Variants in SEMA5B observed in about 807,000 individuals in gnomAD.
SEMA5B encodes the protein semaphorin-5B.
SEMA5B carries 66 observed loss-of-function variants against 135.0 expected under a neutral mutation model. The observed-to-expected ratio is 0.49, with a 90% confidence interval of 0.40 to 0.60. SEMA5B has a LOEUF of 0.60. Among genes scored for constraint, SEMA5B ranks in the 20% least tolerant of loss-of-function variants. The pLI is 0.00. For missense variants in SEMA5B, 1,501 were observed against 1,566.3 expected (o/e 0.96, Z 0.70); for synonymous variants, 690 against 639.5 (o/e 1.08, Z -1.19).
At chr3:122,938,109 C>A (rs1338445997) in intron 5 of SEMA5B, among the ~76,000 whole-genome samples, 2 of 152,244 alleles carry the variant, frequency 1.3e-5, no homozygotes, top group Non-Finnish European at 2.9e-5. Context: ...TGCACAGCCC[C>A]TCAAGGGAAT....
At chr3:122,932,002 C>T (rs928606976) in intron 5 of SEMA5B, among the ~76,000 whole-genome samples, 2 of 152,192 alleles carry the variant, frequency 1.3e-5, no homozygotes, top group Non-Finnish European at 2.9e-5. Flanking sequence ...ATGTGACTGT[C>T]AGATGTCTTT....
chr3:122,934,872 C>CAAAA (rs71701473), intron 5 of SEMA5B, among the ~76,000 whole-genome samples: 9 of 132,286 alleles, frequency 6.8e-5, no homozygotes, highest in African/African-American at 2.0e-4. Context: ...AGACCCACCT[C>CAAAA]AAAAAAAAAA....
chr3:122,920,910 G>A (rs952534476), intron 12 of SEMA5B, among the ~76,000 whole-genome samples: 1 of 152,196 alleles, frequency 6.6e-6, no homozygotes, highest in African/African-American at 2.4e-5. Flanking sequence ...TCCTGAACAT[G>A]GTATGTCTTA....
intron 1 of SEMA5B, among the ~76,000 whole-genome samples, chr3:123,004,492 TC>T (rs1942256649): frequency 6.6e-6 from 1 of 152,242 alleles, no homozygotes; most frequent in African/African-American, 2.4e-5. Context: ...CTTGCATTAC[TC>T]CGTGTAAGAA....
intron 1 of SEMA5B, among the ~76,000 whole-genome samples, chr3:122,967,164 C>T (rs1023104780): frequency 3.9e-5 from 6 of 152,066 alleles, no homozygotes; most frequent in Admixed American, 2.6e-4. Context: ...GGATTACAGG[C>T]GTGAGCCACT....
At chr3:122,943,356 G>A in intron 4 of SEMA5B, 80 bp downstream of exon 4, 1 of 992,706 alleles carries the variant, frequency 1.0e-6, no homozygotes, top group Non-Finnish European at 1.5e-6. Context: ...CTGCCCAGGT[G>A]AGTTCATCCT....
intron 1 of SEMA5B, among the ~76,000 whole-genome samples, chr3:122,982,278 C>G (rs1941544139): frequency 6.6e-6 from 1 of 152,214 alleles, no homozygotes; most frequent in Non-Finnish European, 1.5e-5. Context: ...GGACTGACAG[C>G]CCCCTCCCAG....
chr3:122,954,376 C>A (rs777753929), intron 2 of SEMA5B, among the ~76,000 whole-genome samples: 1 of 152,246 alleles, frequency 6.6e-6, no homozygotes, highest in Admixed American at 6.5e-5. Context: ...ACCCCCACTC[C>A]CAGACCCTTG....
chr3:122,925,894 A>G (rs1257388644), intron 9 of SEMA5B, among the ~76,000 whole-genome samples: 1 of 151,680 alleles, frequency 6.6e-6, no homozygotes, highest in Non-Finnish European at 1.5e-5. Context: ...TGTGAGGGTT[A>G]CTCGTCCTCA....
chr3:122,915,744 G>C (rs759210421), intron 13 of SEMA5B, 29 bp downstream of exon 13: 1 of 1,609,182 alleles, frequency 6.2e-7, no homozygotes, highest in Non-Finnish European at 8.5e-7. Context: ...GGAGGGGTCT[G>C]AGATGGGAGG....
At chr3:123,004,726 T>C (rs2107771178) in intron 1 of SEMA5B, among the ~76,000 whole-genome samples, 1 of 152,320 alleles carries the variant, frequency 6.6e-6, no homozygotes, top group East Asian at 1.9e-4. Context: ...ACCAGGCTCC[T>C]CCACACTGAT....
intron 2 of SEMA5B, among the ~76,000 whole-genome samples, chr3:122,950,796 G>T (rs944611709): frequency 6.6e-6 from 1 of 152,212 alleles, no homozygotes; most frequent in African/African-American, 2.4e-5. Flanking sequence ...ATTGTTCATT[G>T]TGCCATCCTT....
chr3:122,940,684 G>A (rs1465155294), intron 4 of SEMA5B, among the ~76,000 whole-genome samples: 1 of 152,218 alleles, frequency 6.6e-6, no homozygotes, highest in Non-Finnish European at 1.5e-5. Flanking sequence ...CGCAGGCCAG[G>A]AGGCTTCTCT....
chr3:122,964,391 C>G (rs373129739), intron 1 of SEMA5B, among the ~76,000 whole-genome samples: 1 of 152,202 alleles, frequency 6.6e-6, no homozygotes, highest in African/African-American at 2.4e-5. Flanking sequence ...CTACCAGCTA[C>G]GCAGCTCTAC....
chr3:122,967,487 C>A (rs954553969), intron 1 of SEMA5B, among the ~76,000 whole-genome samples: 1 of 152,208 alleles, frequency 6.6e-6, no homozygotes, highest in Admixed American at 6.5e-5. Flanking sequence ...CACCTGCAAC[C>A]TTCTCCAGAG....
intron 1 of SEMA5B, among the ~76,000 whole-genome samples, chr3:123,007,763 A>G (rs879337247): frequency 6.6e-6 from 1 of 152,222 alleles, no homozygotes; most frequent in Non-Finnish European, 1.5e-5. Flanking sequence ...TGGACATCTT[A>G]GCCTCCATAA....
At chr3:122,999,370 G>C (rs1474339409) in intron 1 of SEMA5B, among the ~76,000 whole-genome samples, 1 of 152,192 alleles carries the variant, frequency 6.6e-6, no homozygotes, top group East Asian at 1.9e-4. Context: ...GGGATTACAG[G>C]CGCCTGTGAC....
intron 1 of SEMA5B, chr3:122,975,931 T>G (rs2107662581): frequency 2.3e-4 from 321 of 1,415,504 alleles, no homozygotes; most frequent in East Asian, 1.3e-3. Context: ...TCTCTGGCCA[T>G]TCCCCCTCCA....
rs533868043 is a variant in SEMA5B at position 123,000,253 on chromosome 3, G to T, written c.-39+27211C>A. ...GAACAAAGGAGCAGCCCTCCCGAAG[G>T]ATAGAATAGGGCAAGGGCAGGAGAG... On this transcript the variant is annotated intron_variant, in intron 1 of 22. Coordinates refer to ENST00000357599, the MANE Select transcript of SEMA5B (RefSeq NM_001031702.4). Among the ~76,000 whole-genome samples, 272 of 152,254 alleles carry T rather than the reference G, an allele frequency of 1.8e-3. 2 individuals are homozygous for T. Among genetic ancestry groups the T allele is most frequent in the Non-Finnish European group, 7.8e-4 (53 of 68,014 alleles).
Sources: gnomAD v4.1 joint callset for allele counts (sites outside exome capture counted in the v4.1 genomes callset) on GRCh38, gnomAD v4.1.1 for gene constraint, MANE v1.5 for transcripts, NCBI Gene and HGNC (gene_info 2026-07-23, HGNC 2026-07-21) for gene names.